HMGA2: variants seen among roughly 807,000 people sequenced by gnomAD.
HMGA2 encodes high mobility group protein HMGI-C.
In HMGA2, 8 loss-of-function variants were observed where a neutral mutation model predicts 19.1. The ratio of observed to expected loss-of-function variants is 0.42; its 90% confidence interval spans 0.25 to 0.76. The LOEUF (loss-of-function observed/expected upper bound fraction) is 0.76, where lower values mean the gene tolerates loss of function less well. HMGA2 is among the 30% of genes least tolerant of loss of function. The pLI, the probability that HMGA2 is intolerant of heterozygous loss-of-function variation, is 0.28. For synonymous variants in HMGA2, 60 were observed against 48.8 expected (o/e 1.23, Z -0.96); for missense variants, 109 against 136.3 (o/e 0.80, Z 1.00).
At chr12:65,937,490 A>G (rs1875936987) in intron 3 of HMGA2, among the ~76,000 whole-genome samples, 1 of 152,228 alleles carries the variant, frequency 6.6e-6, no homozygotes, top group African/African-American at 2.4e-5. Context: ...GGCTTCCAGA[A>G]TGTGGGCAGA....
intron 4 of HMGA2, chr12:65,952,157 G>A (rs1471088195): frequency 5.7e-6 from 3 of 525,960 alleles, no homozygotes; most frequent in South Asian, 3.0e-5. Flanking sequence ...GTATAAGAAC[G>A]TCCTGCTGTT....
chr12:65,884,581 A>C (rs910727037), intron 3 of HMGA2, among the ~76,000 whole-genome samples: 2 of 152,216 alleles, frequency 1.3e-5, no homozygotes, highest in African/African-American at 4.8e-5. Flanking sequence ...AAACTTGTAC[A>C]TTTATGCATG....
Position 65,949,233 on chromosome 12 carries a change from G to A in HMGA2, c.250-2150G>A, listed in dbSNP as rs566373353. 2.0e-5 allele frequency among the ~76,000 whole-genome samples: 3 copies of A among 151,776 alleles called. No individual in the cohort carries two copies. The South Asian group carries it at 6.3e-4, about 32-fold the overall frequency. On this transcript the variant is annotated intron_variant, in intron 3 of 4. Transcript: ENST00000403681. ...CAAATGGAAGAACGTCTTTTCCTTT[G>A]AGCAAAAGTACCTTGCCATTTATTT...
At chr12:65,881,569 C>A (rs1397234835) in intron 3 of HMGA2, 11 of 598,936 alleles carry the variant, frequency 1.8e-5, no homozygotes, top group Middle Eastern at 4.2e-4. Context: ...ATGGAAAGAT[C>A]CAGTTATGAC....
chr12:65,854,356 A>C (rs1871622597), intron 3 of HMGA2, among the ~76,000 whole-genome samples: 1 of 152,186 alleles, frequency 6.6e-6, no homozygotes, highest in African/African-American at 2.4e-5. Context: ...TTTCTTTCAG[A>C]GACGTGCCTT....
chr12:65,834,576 C>A (rs2854593), intron 2 of HMGA2, among the ~76,000 whole-genome samples: 1 of 143,758 alleles, frequency 7.0e-6, no homozygotes, highest in Non-Finnish European at 1.5e-5. Context: ...CCCTCCCTCA[C>A]TCCCTCCCTT....
intron 3 of HMGA2, among the ~76,000 whole-genome samples, chr12:65,945,693 G>A (rs181070942): frequency 8.5e-5 from 13 of 152,278 alleles, no homozygotes; most frequent in Admixed American, 7.8e-4. Flanking sequence ...TGGCCATTTG[G>A]AGTGTTTGCA....
chr12:65,862,010 A>G (rs1237818612), intron 3 of HMGA2, among the ~76,000 whole-genome samples: 1 of 151,768 alleles, frequency 6.6e-6, no homozygotes, highest in Non-Finnish European at 1.5e-5. Flanking sequence ...ACGCCCGGCT[A>G]ATTTTCGTTT....
At chr12:65,963,134 T>G (rs2121333158) in intron 4 of HMGA2, 111 bp from the exon 5 acceptor site, 1 of 949,128 alleles carries the variant, frequency 1.1e-6, no homozygotes, top group South Asian at 1.4e-5. Flanking sequence ...TCATCCTCTT[T>G]TGAGGCAAGC....
In HMGA2 at chr12:65,825,432, G is replaced by A. The variant is rs947084610; in HGVS notation, c.111+51G>A. On this transcript the variant is annotated intron_variant, in intron 1 of 4. Transcript: ENST00000403681. This position sits in a 1 kb window ranked among gnomAD's most constrained non-coding sequence, Gnocchi z 4.4. ...ACCAGCCCACCCCGTCCCCACTGCC[G>A]GGGCCCAGACACGCGCGGGGCGGCC... is the stretch of plus-strand genomic sequence containing the variant. 19 of 1,353,500 alleles carry A rather than the reference G, an allele frequency of 1.4e-5. No homozygotes were observed. The highest frequency in any genetic ancestry group is 1.9e-5 in the Non-Finnish European group (19 of 1,014,222). 83.8% of individuals were successfully genotyped at this position (1,353,500 alleles called of 1,614,324 possible). A position where few individuals can be genotyped will look rare whatever the true frequency, so the allele number is the denominator to read the frequency against.
chr12:65,867,804 G>T (rs774470540), intron 3 of HMGA2: 7 of 171,362 alleles, frequency 4.1e-5, no homozygotes, highest in Non-Finnish European at 9.0e-5. Context: ...TAAGCATCTC[G>T]AGGGTAAGAA....
intron 3 of HMGA2, chr12:65,858,496 A>C (rs1871864912): frequency 6.6e-6 from 1 of 151,882 alleles, no homozygotes; most frequent in South Asian, 2.1e-4. Context: ...TCCTGTGATA[A>C]TTTTTCTTTT....
chr12:65,838,998 C>CTTTTTTTTCTTTT (rs1555180497), intron 3 of HMGA2, among the ~76,000 whole-genome samples: 5 of 107,230 alleles, frequency 4.7e-5, no homozygotes, highest in African/African-American at 2.7e-4. Flanking sequence ...TTTTCTTTTT[C>CTTTTTTTTCTTTT]TTTTTTTTTT....
intron 3 of HMGA2, chr12:65,866,997 G>A: frequency 2.2e-6 from 1 of 455,678 alleles, no homozygotes; most frequent in Non-Finnish European, 4.4e-6. Flanking sequence ...GGAGAAATCA[G>A]TTCTGATTTT....
At chr12:65,963,175 C>T in intron 4 of HMGA2, 70 bp from the exon 5 acceptor site, 1 of 1,431,214 alleles carries the variant, frequency 7.0e-7, no homozygotes, top group Non-Finnish European at 9.9e-7. Flanking sequence ...GTTACCTCTG[C>T]ACTGTTGGCA....
rs1870013997 is a variant in HMGA2, at chr12:65,824,589, A to G, written c.-682A>G. On this transcript the variant is annotated 5_prime_UTR_variant, in exon 1 of 5. Transcript: ENST00000403681. ...CGCCGCTGCCTGCTCCCGCCACCCT[A>G]GGAGGCGCGGTGCCACCCACTACTC... 2 of 232,182 alleles carry G rather than the reference A, an allele frequency of 8.6e-6. No homozygotes were observed. Among genetic ancestry groups the G allele is most frequent in the Non-Finnish European group, 1.7e-5 (2 of 117,982 alleles). 14.4% of individuals were successfully genotyped at this position (232,182 alleles called of 1,614,324 possible). A position where few individuals can be genotyped will look rare whatever the true frequency, so the allele number is the denominator to read the frequency against.
Position 65,957,608 on chromosome 12 carries a change from C to T in HMGA2, c.283-5637C>T, listed in dbSNP as rs1213384347. 3 of 152,148 alleles carry T rather than the reference C, an allele frequency of 2.0e-5. No individual in the cohort carries two copies. In the East Asian group the frequency reaches 5.8e-4, roughly 29 times the overall value. The allele number at this position is 152,148 out of a possible 1,614,324, so 9.4% of individuals were successfully genotyped here. ...AACCTGGCATGGAAAACTGATCAAA[C>T]CGGTAGTCCTCAGAAATCATCACTC... On this transcript the variant is annotated intron_variant, in intron 4 of 4. Transcript: ENST00000403681.
rs1028701053 is a variant in HMGA2 at position 65,966,145 on chromosome 12, G to A, written c.*2853G>A. The A allele has an allele frequency of 7.7e-5, 16 of 207,176 alleles. No individual in the cohort carries two copies. The highest frequency in any genetic ancestry group is 2.9e-4 in the East Asian group (4 of 13,654). The allele number at this position is 207,176 out of a possible 1,614,324, so 12.8% of individuals were successfully genotyped here. ...GCTGTCTATGATTGTACTTTGAATC[G>A]CTTGCTTGTTGAAAATATTTCTCTA... On this transcript the variant is annotated 3_prime_UTR_variant, in exon 5 of 5. Transcript: ENST00000403681.
rs2121313234 is a variant in HMGA2, at chr12:65,951,434, T to A, written c.282+19T>A. On this transcript the variant is annotated intron_variant, in intron 4 of 4. Transcript: ENST00000403681. ...TGCTCAGGTAAGACATAGTCATTAA[T>A]TTTTTTCTCCCAATTAATATAAAAA... 6.7e-7 allele frequency: 1 copy of A among 1,482,352 alleles called. No individual in the cohort carries two copies. The highest frequency in any genetic ancestry group is 2.5e-5 in the East Asian group (1 of 40,684). 91.8% of individuals were successfully genotyped at this position (1,482,352 alleles called of 1,614,324 possible).
Sources: allele counts gnomAD v4.1 joint callset (sites outside exome capture counted in the v4.1 genomes callset), GRCh38; gene constraint gnomAD v4.1.1; non-coding constraint Gnocchi (gnomAD v3.1); transcripts MANE v1.5; gene names NCBI Gene and HGNC (gene_info 2026-07-23, HGNC 2026-07-21).